The following BCL6 variants were observed in gnomAD, a reference collection of about 807,000 sequenced individuals.
BCL6 encodes the protein BCL6 transcription repressor, also known as B-cell lymphoma 6 protein.
Under a neutral mutation model 59.5 loss-of-function variants are expected in BCL6, and 7 were observed. The ratio of observed to expected loss-of-function variants is 0.12; its 90% confidence interval spans 0.07 to 0.22. The LOEUF (loss-of-function observed/expected upper bound fraction) is 0.22, where lower values mean the gene tolerates loss of function less well. Among genes scored for constraint, BCL6 ranks in the 10% least tolerant of loss-of-function variants. BCL6 has a pLI of 1.00. For synonymous variants in BCL6, 339 were observed against 349.7 expected, an observed-to-expected ratio of 0.97 and a Z score of 0.34; for missense variants, 685 against 939.4, an observed-to-expected ratio of 0.73 and a Z score of 3.54.
chr3:187,733,080 C>T (rs1039767148), intron 3 of BCL6, among the ~76,000 whole-genome samples: 10 of 152,208 alleles, frequency 6.6e-5, no homozygotes, highest in Admixed American at 5.2e-4. Flanking sequence ...TTCACTCTCA[C>T]TAACTCTTGC....
intron 1 of BCL6, among the ~76,000 whole-genome samples, chr3:187,738,823 CT>C (rs1719410388): frequency 6.6e-6 from 1 of 152,192 alleles, no homozygotes; most frequent in Admixed American, 6.5e-5. Flanking sequence ...TACATTGAGG[CT>C]TTCTCACCCC....
At chr3:187,745,124 A>ATT (rs1711869764) in intron 1 of BCL6, among the ~76,000 whole-genome samples, 1 of 152,070 alleles carries the variant, frequency 6.6e-6, no homozygotes, top group African/African-American at 2.4e-5. Flanking sequence ...AGACAACAAT[A>ATT]ATAATAATAA....
At chr3:187,722,964 G>T (rs1277519714) in intron 9 of BCL6, among the ~76,000 whole-genome samples, 1 of 152,162 alleles carries the variant, frequency 6.6e-6, no homozygotes, top group African/African-American at 2.4e-5. Flanking sequence ...TTTCCTTTGA[G>T]CCTCTGTAAG....
At chr3:187,730,723 G>A (rs536247347) in intron 4 of BCL6, among the ~76,000 whole-genome samples, 99 of 152,192 alleles carry the variant, frequency 6.5e-4, no homozygotes, top group Non-Finnish European at 1.2e-3. Context: ...TGACAGCAAT[G>A]ATGATCTTGC....
chr3:187,725,408 C>A lies in BCL6; in HGVS notation c.1839+91G>T. The A allele has an allele frequency of 6.4e-7, 1 of 1,573,838 alleles. No homozygotes were observed. On this transcript the variant is annotated intron_variant, in intron 8 of 9. Coordinates refer to ENST00000406870, the MANE Select transcript of BCL6 (RefSeq NM_001706.5). The surrounding 1 kb of genome is among the most constrained non-coding windows in gnomAD (Gnocchi z 4.7). ...CCGCTTGCCTGCCCGCTCCACTTGC[C>A]TGCCCACTCCTCCGCTTGCCTGCCC... is the stretch of plus-strand genomic sequence containing the variant.
chr3:187,744,887 A>C (rs540407128), intron 1 of BCL6, among the ~76,000 whole-genome samples: 6 of 152,254 alleles, frequency 3.9e-5, no homozygotes, highest in South Asian at 4.2e-4. Flanking sequence ...CACAAGCCGT[A>C]CGCAAGCAGC....
chr3:187,729,712 T>A lies in BCL6; in HGVS notation c.693A>T (p.Pro231=). The change falls in exon 5 of 10, where the codon CCA becomes CCT. Residue 231 remains proline (P), a synonymous_variant. Coordinates refer to ENST00000406870, the MANE Select transcript of BCL6 (RefSeq NM_001706.5). The surrounding 1 kb of genome is among the most constrained non-coding windows in gnomAD (Gnocchi z 5.6). ...CAGGGACTGGCCTGGCACTATCACA[T>A]GGGAGTGCCCGCTCCTTGGGGAAGG... ...ANPFPKERAL[P]CDSARPVPGE... 6.2e-7 allele frequency: 1 copy of A among 1,614,120 alleles called. No homozygotes were observed. The highest frequency in any genetic ancestry group is 1.1e-5 in the South Asian group (1 of 91,070).
In BCL6 at chr3:187,722,436, G is replaced by C. The variant is rs377348795; in HGVS notation, c.*22C>G. The C allele has an allele frequency of 6.2e-7, 1 of 1,602,916 alleles. No individual in the cohort carries two copies. Among genetic ancestry groups the C allele is most frequent in the Non-Finnish European group, 8.5e-7 (1 of 1,174,946 alleles). On this transcript the variant is annotated 3_prime_UTR_variant, in exon 10 of 10. Transcript: ENST00000406870. Reference sequence around the variant, plus strand: ...TAGATTCTGAGAAGGGGCTGGAGACGAAAGCATCAACACTCCATGCTTCAG... The same window carrying C: ...TAGATTCTGAGAAGGGGCTGGAGACCAAAGCATCAACACTCCATGCTTCAG...
At chr3:187,739,307 C>A (rs1476396210) in intron 1 of BCL6, among the ~76,000 whole-genome samples, 1 of 152,252 alleles carries the variant, frequency 6.6e-6, no homozygotes, top group South Asian at 2.1e-4. Context: ...GTGGGGCTCC[C>A]GGTCTCAGCA....
intron 7 of BCL6, 108 bp downstream of exon 7, chr3:187,726,623 G>C: frequency 6.8e-7 from 1 of 1,479,902 alleles, no homozygotes. Flanking sequence ...CCTGCCTCCT[G>C]CCTTGCCCCA....
Position 187,722,421 on chromosome 3 carries a change from GA to G in BCL6, c.*36del, listed in dbSNP as rs1459845830. The G allele has an allele frequency of 5.0e-6, 8 of 1,589,792 alleles. No homozygotes were observed. On this transcript the variant is annotated 3_prime_UTR_variant, in exon 10 of 10. Coordinates refer to ENST00000406870, the MANE Select transcript of BCL6 (RefSeq NM_001706.5). ...ACAGTATCCTTTGGGTAGATTCTGA[GA>G]AGGGGCTGGAGACGAAAGCATCAAC...
intron 9 of BCL6, 31 bp from the exon 10 acceptor site, chr3:187,722,632 T>C (rs1003009568): frequency 1.2e-6 from 2 of 1,604,724 alleles, no homozygotes; most frequent in Non-Finnish European, 1.7e-6. Flanking sequence ...AACTGTTAGC[T>C]GTCATCAACC....
At chr3:187,724,584 G>A (rs939314747) in intron 9 of BCL6, 5 of 233,804 alleles carry the variant, frequency 2.1e-5, no homozygotes, top group South Asian at 1.5e-4. Context: ...GCCCAGTATG[G>A]GGTGTCCAGG....
chr3:187,735,727 C>T (rs1019039516), intron 1 of BCL6, among the ~76,000 whole-genome samples: 3 of 152,148 alleles, frequency 2.0e-5, no homozygotes, highest in Non-Finnish European at 2.9e-5. Context: ...TACCTCCTTC[C>T]AAACCGGCTT....
intron 1 of BCL6, among the ~76,000 whole-genome samples, chr3:187,744,927 T>G (rs1576885925): frequency 1.3e-5 from 2 of 152,150 alleles, no homozygotes; most frequent in East Asian, 1.9e-4. Flanking sequence ...CGAGCGCGCG[T>G]CCTCTCCGCG....
intron 9 of BCL6, among the ~76,000 whole-genome samples, chr3:187,723,405 C>T (rs1199845507): frequency 2.0e-5 from 3 of 152,140 alleles, no homozygotes; most frequent in South Asian, 4.1e-4. Flanking sequence ...TAGATAAAAA[C>T]AAAGAAAATG....
chr3:187,726,755 C>T lies in BCL6; in HGVS notation c.1684G>A (p.Ala562Thr), dbSNP rs77733730. ...QASFRYKGNL[A>T]SHKTVHTGEK... ...CCGGTATGGACGGTCTTGTGGCTGG[C>T]GAGGTTGCCCTTGTAGCGGAAGGAG... Residue 562 changes from alanine to threonine, a missense_variant, in exon 7 of 10, where the codon GCC becomes ACC. By Grantham distance (58) the Ala-to-Thr change is moderately conservative. This residue lies in a region of BCL6 where 42 missense variants were observed against 101.7 expected (regional missense o/e 0.41). Transcript: ENST00000406870. 11 of 1,607,182 alleles carry T rather than the reference C, an allele frequency of 6.8e-6. No individual in the cohort carries two copies. Among genetic ancestry groups the T allele is most frequent in the Non-Finnish European group, 1.7e-6 (2 of 1,177,804 alleles).
chr3:187,738,482 G>C (rs1719393569), intron 1 of BCL6, among the ~76,000 whole-genome samples: 1 of 152,194 alleles, frequency 6.6e-6, no homozygotes, highest in Non-Finnish European at 1.5e-5. Context: ...TTCCGAATCC[G>C]ATTTCCCCGA....
intron 1 of BCL6, among the ~76,000 whole-genome samples, chr3:187,744,272 G>A (rs1309934276): frequency 6.6e-6 from 1 of 152,080 alleles, no homozygotes; most frequent in Non-Finnish European, 1.5e-5. Flanking sequence ...GAGGTTCCCT[G>A]AGTCCCCCCG....
Sources: gnomAD v4.1 joint callset for allele counts (sites outside exome capture counted in the v4.1 genomes callset) on GRCh38, gnomAD v4.1.1 for gene constraint, gnomAD v4.1.1 regional missense constraint, Gnocchi (gnomAD v3.1) non-coding constraint, MANE v1.5 for transcripts, NCBI Gene and HGNC (gene_info 2026-07-23, HGNC 2026-07-21) for gene names.